C19orf38: variants seen among roughly 807,000 people sequenced by gnomAD.
C19orf38 encodes chromosome 19 open reading frame 38.
A neutral mutation model predicts 26.6 loss-of-function variants in C19orf38; 14 were observed. The ratio of observed to expected loss-of-function variants is 0.53; its 90% CI spans 0.35 to 0.82. The LOEUF is 0.82. Among genes scored for constraint, C19orf38 ranks in the 40% least tolerant of loss-of-function variants. C19orf38 has a pLI of 0.01. For missense variants in C19orf38, 261 were observed against 299.5 expected (o/e 0.87, Z 0.95); for synonymous variants, 132 against 128.5 (o/e 1.03, Z -0.18).
At chr19:10,848,366 C>T, upstream of C19orf38, 1 of 858,102 alleles carries the variant, frequency 1.2e-6, no homozygotes. Flanking sequence ...CCTGTGTGTG[C>T]AACTTCCTGC....
intron 5 of C19orf38, 93 bp from the exon 6 acceptor site, chr19:10,863,077 C>T: frequency 7.5e-7 from 1 of 1,340,482 alleles, no homozygotes; most frequent in Non-Finnish European, 1.0e-6. Context: ...CCAATTGCTT[C>T]CCTGTGGGCT....
intron 1 of C19orf38, among the ~76,000 whole-genome samples, chr19:10,849,700 ATAAAG>A (rs1394201211): frequency 6.6e-6 from 1 of 150,720 alleles, no homozygotes; most frequent in Non-Finnish European, 1.5e-5. Context: ...AAATAAATAA[ATAAAG>A]TAATAATAAA....
intron 4 of C19orf38, among the ~76,000 whole-genome samples, chr19:10,859,316 G>A (rs2073666969): frequency 2.1e-5 from 3 of 140,754 alleles, no homozygotes; most frequent in South Asian, 4.5e-4. Context: ...GTATGTATGT[G>A]TGTGTGTGTA....
intron 2 of C19orf38, among the ~76,000 whole-genome samples, chr19:10,853,904 T>G (rs1340495126): frequency 2.0e-5 from 3 of 150,082 alleles, no homozygotes; most frequent in South Asian, 2.1e-4. Flanking sequence ...CTAATGTTTT[T>G]TTTTTTTTTT....
chr19:10,857,366 A>ATTTTTTTTTTTT (rs773726753), intron 3 of C19orf38, among the ~76,000 whole-genome samples: 1 of 56,080 alleles, frequency 1.8e-5, no homozygotes, highest in African/African-American at 1.7e-4. Flanking sequence ...ATATATATAT[A>ATTTTTTTTTTTT]TTTTTTTTTT....
At chr19:10,845,093 A>G (rs1213602967), upstream of C19orf38, among the ~76,000 whole-genome samples, 3 of 150,536 alleles carry the variant, frequency 2.0e-5, no homozygotes. Flanking sequence ...AGAGATGGAG[A>G]CTGCAGTGAG....
intron 4 of C19orf38, among the ~76,000 whole-genome samples, chr19:10,859,244 ATGTG>A (rs35791729): frequency 0.03 from 3,582 of 119,194 alleles, 63 homozygotes; most frequent in African/African-American, 0.034. Context: ...GCTTTTATAT[ATGTG>A]TGTGTGTGTG....
At position 10,869,151 on chromosome 19, in the gene C19orf38, A is replaced by T. The variant is rs1453996432; in HGVS notation, c.544-67A>T. 5 of 1,536,036 alleles carry T rather than the reference A, an allele frequency of 3.3e-6. No homozygotes were observed. In the African/African-American group the frequency reaches 4.1e-5, roughly 13 times the overall value. On this transcript the variant is annotated intron_variant, in intron 6 of 6. Transcript: ENST00000397820. ...GCTGGCAGAGTCTCAGGCTCAGAAC[A>T]TGGAGAAACCCTAGATCCTGAAACC...
intron 5 of C19orf38, among the ~76,000 whole-genome samples, chr19:10,860,940 C>T (rs969784138): frequency 4.0e-5 from 6 of 151,398 alleles, no homozygotes; most frequent in South Asian, 2.1e-4. Context: ...GTCAGGAGAT[C>T]GAGACCATCC....
Position 10,841,857 on chromosome 19 carries a change from C to G in C19orf38, c.-69+5087C>G. The G allele has an allele frequency of 2.7e-6, 4 of 1,489,196 alleles. No individual in the cohort carries two copies. The South Asian group carries it at 4.5e-5, about 17-fold the overall frequency. 92.2% of individuals were successfully genotyped at this position (1,489,196 alleles called of 1,614,324 possible). A position where few individuals can be genotyped will look rare whatever the true frequency, so the allele number is the denominator to read the frequency against. The stretch of plus-strand genomic sequence containing the variant: ...GCTGGGCATGGGAACAATCCCATTT[C>G]CTGAGGGAATGGGAGGATCTGTCTA... On this transcript the variant is annotated intron_variant, in intron 1 of 7. Coordinates refer to the C19orf38 transcript ENST00000592854.
At chr19:10,838,357 C>T (rs2146233673) in intron 1 of C19orf38, among the ~76,000 whole-genome samples, 1 of 152,248 alleles carries the variant, frequency 6.6e-6, no homozygotes, top group East Asian at 1.9e-4. Flanking sequence ...TTGCAGTGAG[C>T]CCAGATGATG....
chr19:10,857,894 A>AATG (rs1555721220), intron 3 of C19orf38, among the ~76,000 whole-genome samples: 2 of 142,404 alleles, frequency 1.4e-5, no homozygotes, highest in African/African-American at 5.3e-5. Context: ...AAACAACAAA[A>AATG]AAAGAAAGAA....
intron 2 of C19orf38, among the ~76,000 whole-genome samples, chr19:10,851,019 C>T (rs993078689): frequency 3.9e-5 from 6 of 152,168 alleles, no homozygotes; most frequent in African/African-American, 1.4e-4. Context: ...ATTACACCTC[C>T]GTGACATACA....
rs1007305640 is a variant in C19orf38 at position 10,869,722 on chromosome 19, C to T, written c.*355C>T. The T allele has an allele frequency of 4.1e-6, 1 of 246,094 alleles. No homozygotes were observed. The allele number at this position is 246,094 out of a possible 1,614,324, so 15.2% of individuals were successfully genotyped here. On this transcript the variant is annotated 3_prime_UTR_variant, in exon 7 of 7. Transcript: ENST00000397820. ...CAGTGGGTTTTTGAGCATAGGGTGC[C>T]CTTGGGTGTGTTGTGTGTCTGCCTG...
intron 1 of C19orf38, 65 bp downstream of exon 1, chr19:10,848,604 G>T: frequency 8.2e-6 from 12 of 1,467,948 alleles, no homozygotes; most frequent in Non-Finnish European, 1.0e-5. Context: ...CCACCTTGCC[G>T]CTCCAGGGGC....
upstream of C19orf38, chr19:10,848,379 G>A: frequency 1.0e-6 from 1 of 1,000,128 alleles, no homozygotes; most frequent in Admixed American, 2.1e-5. Context: ...CTTCCTGCCA[G>A]TGAGGAAACT....
At chr19:10,846,503 G>A (rs1168029424), upstream of C19orf38, among the ~76,000 whole-genome samples, 1 of 151,770 alleles carries the variant, frequency 6.6e-6, no homozygotes, top group African/African-American at 2.4e-5. Context: ...TGAACATAAG[G>A]TAACCAGAAA....
intron 6 of C19orf38, among the ~76,000 whole-genome samples, chr19:10,867,748 C>A (rs905233231): frequency 2.0e-5 from 3 of 148,562 alleles, no homozygotes; most frequent in African/African-American, 7.4e-5. Context: ...TGCCTCCCAG[C>A]CTCCAGCGAT....
intron 5 of C19orf38, among the ~76,000 whole-genome samples, chr19:10,862,958 C>A (rs1363798848): frequency 6.6e-6 from 1 of 152,012 alleles, no homozygotes; most frequent in African/African-American, 2.4e-5. Flanking sequence ...GTGAGAGATA[C>A]CCCTAGGAAG....
Sources: gnomAD v4.1 joint callset for allele counts (sites outside exome capture counted in the v4.1 genomes callset) on GRCh38, gnomAD v4.1.1 for gene constraint, MANE v1.5 for transcripts, NCBI Gene and HGNC (gene_info 2026-07-23, HGNC 2026-07-21) for gene names.